Variants in NTM observed in about 807,000 individuals in gnomAD.
NTM encodes the protein IgLON family member 2.
In NTM, 13 loss-of-function variants were observed where a neutral mutation model predicts 42.1. The ratio of observed to expected loss-of-function variants is 0.31; its 90% CI spans 0.20 to 0.49. NTM has a LOEUF of 0.49. NTM is among the 20% of genes least tolerant of loss of function. NTM has a pLI of 0.99. For synonymous variants in NTM, 187 were observed against 179.2 expected, an observed-to-expected ratio of 1.04 and a Z score of -0.35; for missense variants, 373 against 452.8, an observed-to-expected ratio of 0.82 and a Z score of 1.60.
intron 4 of NTM, among the ~76,000 whole-genome samples, chr11:132,222,184 G>A (rs2085303538): frequency 6.6e-6 from 1 of 152,200 alleles, no homozygotes; most frequent in Admixed American, 6.5e-5. Flanking sequence ...CAGAGCCCTT[G>A]TGTGGAGGTT....
chr11:131,794,874 A>G, intron 1 of NTM: 2 of 985,348 alleles, frequency 2.0e-6, no homozygotes, highest in African/African-American at 1.7e-5. Flanking sequence ...CTCCACAGAG[A>G]ATATATGATG....
chr11:131,484,814 A>G (rs997617701), intron 1 of NTM, among the ~76,000 whole-genome samples: 3 of 152,194 alleles, frequency 2.0e-5, no homozygotes, highest in Non-Finnish European at 4.4e-5. Context: ...TGTTGCAGAC[A>G]GTGGGCCACA....
At chr11:131,690,941 C>T (rs2074593494) in intron 1 of NTM, among the ~76,000 whole-genome samples, 1 of 152,162 alleles carries the variant, frequency 6.6e-6, no homozygotes, top group Non-Finnish European at 1.5e-5. Context: ...TGATCGAAAC[C>T]CAGGGAGGAG....
chr11:131,647,142 C>G (rs1448573818), intron 1 of NTM, among the ~76,000 whole-genome samples: 1 of 152,312 alleles, frequency 6.6e-6, no homozygotes, highest in African/African-American at 2.4e-5. Context: ...TATCCCCCAC[C>G]AACTTTCCTT....
chr11:132,234,463 G>A (rs2088345920), intron 4 of NTM, among the ~76,000 whole-genome samples: 1 of 152,044 alleles, frequency 6.6e-6, no homozygotes, highest in South Asian at 2.1e-4. Context: ...CCTGTTTTCT[G>A]TCTGGAATCT....
At chr11:131,780,264 G>T (rs962917540) in intron 1 of NTM, among the ~76,000 whole-genome samples, 1 of 152,170 alleles carries the variant, frequency 6.6e-6, no homozygotes, top group Non-Finnish European at 1.5e-5. Flanking sequence ...CGCAGGGACA[G>T]CAGGTGCAGA....
chr11:131,728,681 A>G (rs1450232717), intron 1 of NTM, among the ~76,000 whole-genome samples: 2 of 152,176 alleles, frequency 1.3e-5, no homozygotes, highest in Non-Finnish European at 2.9e-5. Context: ...TTCAAATTCG[A>G]AAAATTGCAA....
At chr11:131,453,690 G>A (rs1950654106) in intron 1 of NTM, among the ~76,000 whole-genome samples, 1 of 152,160 alleles carries the variant, frequency 6.6e-6, no homozygotes, top group Non-Finnish European at 1.5e-5. Flanking sequence ...AAGTGAAAGG[G>A]AACTGTCTAA....
intron 1 of NTM, among the ~76,000 whole-genome samples, chr11:131,682,565 G>A (rs2134861196): frequency 6.6e-6 from 1 of 152,350 alleles, no homozygotes; most frequent in South Asian, 2.1e-4. Context: ...GTGGGGACCA[G>A]GGAGCCTGCC....
intron 2 of NTM, among the ~76,000 whole-genome samples, chr11:132,138,339 C>T (rs554414385): frequency 2.0e-4 from 31 of 152,100 alleles, no homozygotes; most frequent in African/African-American, 5.5e-4. Flanking sequence ...AAAAGCTTGC[C>T]GGTATATGAA....
intron 2 of NTM, among the ~76,000 whole-genome samples, chr11:132,090,319 C>T (rs972542084): frequency 1.3e-5 from 2 of 152,122 alleles, no homozygotes; most frequent in Non-Finnish European, 2.9e-5. Flanking sequence ...TGGCAGAGAG[C>T]GTGTTAGGCC....
At chr11:131,520,852 G>A (rs925814965) in intron 1 of NTM, among the ~76,000 whole-genome samples, 2 of 152,060 alleles carry the variant, frequency 1.3e-5, no homozygotes, top group African/African-American at 4.8e-5. Context: ...AATAACTGAG[G>A]TTGAGTAATT....
At chr11:132,208,105 AG>A (rs1287851065) in intron 3 of NTM, among the ~76,000 whole-genome samples, 1 of 152,224 alleles carries the variant, frequency 6.6e-6, no homozygotes, top group Non-Finnish European at 1.5e-5. Context: ...TAACAGTCTG[AG>A]TGATGAGAAG....
chr11:132,148,611 A>C (rs2071117058), intron 3 of NTM, among the ~76,000 whole-genome samples: 1 of 152,078 alleles, frequency 6.6e-6, no homozygotes, highest in Non-Finnish European at 1.5e-5. Context: ...CTCCTTGAAA[A>C]CTGGATCATA....
At chr11:132,046,174 T>C (rs1479855634) in intron 2 of NTM, among the ~76,000 whole-genome samples, 1 of 126,908 alleles carries the variant, frequency 7.9e-6, no homozygotes, top group Non-Finnish European at 1.9e-5. Context: ...ATAAGATAAG[T>C]AAAGTAATAT....
chr11:131,641,594 G>A (rs2658851), intron 1 of NTM, among the ~76,000 whole-genome samples: 10 of 152,100 alleles, frequency 6.6e-5, no homozygotes, highest in South Asian at 4.1e-4. Context: ...ATTTCCAAGG[G>A]GGGGAAGCTA....
chr11:132,267,479 ATTTT>A (rs5795769), intron 4 of NTM, among the ~76,000 whole-genome samples: 1 of 143,730 alleles, frequency 7.0e-6, no homozygotes. Context: ...TTCTTGGATG[ATTTT>A]TTTTTTTTTT....
At chr11:131,458,045 G>A (rs1307869058) in intron 1 of NTM, among the ~76,000 whole-genome samples, 1 of 152,194 alleles carries the variant, frequency 6.6e-6, no homozygotes, top group Non-Finnish European at 1.5e-5. Context: ...TGGACTGAGG[G>A]TATGCAATGC....
At chr11:131,908,534 C>T (rs1168027610) in intron 1 of NTM, among the ~76,000 whole-genome samples, 1 of 152,176 alleles carries the variant, frequency 6.6e-6, no homozygotes, top group African/African-American at 2.4e-5. Flanking sequence ...AGAATGAGCC[C>T]CTCTCCTTTC....
Sources: gnomAD v4.1 joint callset for allele counts (sites outside exome capture counted in the v4.1 genomes callset) on GRCh38, gnomAD v4.1.1 for gene constraint, MANE v1.5 for transcripts, NCBI Gene and HGNC (gene_info 2026-07-23, HGNC 2026-07-21) for gene names.